Variants in PTCHD4 observed in about 807,000 individuals in gnomAD.
PTCHD4 encodes patched domain containing 4.
PTCHD4 carries 33 observed loss-of-function variants against 58.1 expected under a neutral mutation model. The observed-to-expected ratio is 0.57, with a 90% CI of 0.43 to 0.76. PTCHD4 has a LOEUF of 0.76. Ranked by LOEUF, PTCHD4 falls within the 30% of genes least tolerant of loss-of-function variation. The probability of loss-of-function intolerance (pLI) is 0.00; values close to 1 mark genes in which losing one functional copy is unlikely to be tolerated. For missense variants in PTCHD4, 1,058 were observed against 1,027.1 expected (o/e 1.03, Z -0.41); for synonymous variants, 478 against 409.6 (o/e 1.17, Z -2.02).
At chr6:47,969,212 G>T (rs1174375768) in intron 4 of PTCHD4, among the ~76,000 whole-genome samples, 1 of 152,116 alleles carries the variant, frequency 6.6e-6, no homozygotes, top group Admixed American at 6.6e-5. Context: ...TAAACTTCAG[G>T]ATTTCAGCAG....
chr6:47,888,765 T>G (rs899135514), intron 4 of PTCHD4, among the ~76,000 whole-genome samples: 1 of 145,354 alleles, frequency 6.9e-6, no homozygotes, highest in Admixed American at 7.0e-5. Flanking sequence ...CACTAACTCG[T>G]CATCTAGCAT....
Position 47,867,150 on chromosome 6 carries a change from G to A in PTCHD4, c.*11153C>T, listed in dbSNP as rs1226998502. The stretch of plus-strand genomic sequence containing the variant: ...ATTGTTAATTAAAATAATATTAACA[G>A]AGATAGTTAATTGGAGTGTATTAGT... On this transcript the variant is annotated 3_prime_UTR_variant, in exon 5 of 5. Transcript: ENST00000339488. 6.6e-6 allele frequency among the ~76,000 whole-genome samples: 1 copy of A among 151,750 alleles called. No individual in the cohort carries two copies. The highest frequency in any genetic ancestry group is 1.5e-5 in the Non-Finnish European group (1 of 67,842).
At chr6:47,906,396 C>T (rs558228878) in intron 4 of PTCHD4, among the ~76,000 whole-genome samples, 81 of 152,216 alleles carry the variant, frequency 5.3e-4, no homozygotes, top group Middle Eastern at 3.4e-3. Context: ...TTCCACTTGT[C>T]GGATCAGTCT....
chr6:47,983,620 T>G (rs1177916811), intron 4 of PTCHD4, among the ~76,000 whole-genome samples: 4 of 152,170 alleles, frequency 2.6e-5, no homozygotes, highest in Non-Finnish European at 5.9e-5. Context: ...AAGGATAAAA[T>G]GATGGTAAAT....
intron 4 of PTCHD4, among the ~76,000 whole-genome samples, chr6:47,920,821 G>T (rs534188739): frequency 3.6e-4 from 55 of 152,276 alleles, no homozygotes; most frequent in African/African-American, 1.2e-3. Context: ...AGAGAATGAT[G>T]GCTGCCACCC....
In PTCHD4 at chr6:47,967,890, C is replaced by A. The variant is rs958620830; in HGVS notation, c.898+40744G>T. On this transcript the variant is annotated intron_variant, in intron 4 of 4. Transcript: ENST00000339488. ...GAATGTTGTGGCTGGTTTGATCTTC[C>A]TTACAGACCACTATAATGTTCTCCA... Among the ~76,000 whole-genome samples the A allele has an allele frequency of 2.6e-5, 4 of 152,246 alleles. No homozygotes were observed. The East Asian group carries it at 7.7e-4, about 29-fold the overall frequency.
At chr6:47,883,256 C>T (rs1433978975) in intron 4 of PTCHD4, among the ~76,000 whole-genome samples, 1 of 151,944 alleles carries the variant, frequency 6.6e-6, no homozygotes, top group Admixed American at 6.6e-5. Flanking sequence ...AATTCTGAGA[C>T]CAAGATTATA....
chr6:48,109,175 A>G (rs576743088), intron 1 of PTCHD4, among the ~76,000 whole-genome samples: 17 of 152,242 alleles, frequency 1.1e-4, no homozygotes, highest in African/African-American at 3.8e-4. Flanking sequence ...ATCATCTTGT[A>G]AGGGACTTAT....
At chr6:48,103,176 C>T (rs777380592) in intron 1 of PTCHD4, among the ~76,000 whole-genome samples, 6 of 152,186 alleles carry the variant, frequency 3.9e-5, no homozygotes, top group African/African-American at 1.2e-4. Flanking sequence ...CCCTGACCCA[C>T]GAGTAGCCTA....
chr6:48,081,070 C>T (rs930438809), intron 1 of PTCHD4, among the ~76,000 whole-genome samples: 5 of 152,100 alleles, frequency 3.3e-5, no homozygotes, highest in African/African-American at 9.7e-5. Flanking sequence ...ATGGAAACCA[C>T]GTTTATTCAA....
intron 4 of PTCHD4, among the ~76,000 whole-genome samples, chr6:47,992,722 C>G (rs1248349782): frequency 1.3e-5 from 2 of 152,000 alleles, no homozygotes; most frequent in Non-Finnish European, 2.9e-5. Flanking sequence ...CTAATAGTAT[C>G]TGGATGGTGG....
intron 4 of PTCHD4, among the ~76,000 whole-genome samples, chr6:47,946,336 T>C (rs1033937386): frequency 2.6e-5 from 4 of 152,180 alleles, no homozygotes; most frequent in Admixed American, 2.6e-4. Context: ...TTTTCATATT[T>C]CTGCCAGTTT....
chr6:47,920,150 T>C (rs1765386159), intron 4 of PTCHD4, among the ~76,000 whole-genome samples: 1 of 152,164 alleles, frequency 6.6e-6, no homozygotes, highest in Non-Finnish European at 1.5e-5. Flanking sequence ...CACAGACTGC[T>C]AGTGTGGTAA....
intron 4 of PTCHD4, among the ~76,000 whole-genome samples, chr6:47,932,024 G>T (rs908278209): frequency 6.6e-6 from 1 of 151,258 alleles, no homozygotes; most frequent in African/African-American, 2.5e-5. Flanking sequence ...GCCTCAACTT[G>T]TATGCACCAT....
intron 1 of PTCHD4, among the ~76,000 whole-genome samples, chr6:48,075,035 C>A (rs1463626779): frequency 6.6e-6 from 1 of 151,976 alleles, no homozygotes; most frequent in Non-Finnish European, 1.5e-5. Flanking sequence ...CCTGGAAAAT[C>A]TTCTATCTCT....
At chr6:47,907,738 C>T (rs1328989) in intron 4 of PTCHD4, among the ~76,000 whole-genome samples, 90,071 of 151,980 alleles carry the variant, frequency 0.59, 27,512 homozygotes, top group East Asian at 0.78. Flanking sequence ...CCATGCCTAC[C>T]TCTGTTCCCC....
At chr6:47,912,872 C>T (rs775824306) in intron 4 of PTCHD4, among the ~76,000 whole-genome samples, 7 of 152,072 alleles carry the variant, frequency 4.6e-5, no homozygotes, top group Non-Finnish European at 1.0e-4. Flanking sequence ...CTGTTTCTCC[C>T]TCCTCTTCCT....
At chr6:48,013,781 T>A (rs1186751811) in intron 3 of PTCHD4, among the ~76,000 whole-genome samples, 1 of 152,282 alleles carries the variant, frequency 6.6e-6, no homozygotes, top group East Asian at 1.9e-4. Context: ...TTACTTAAAA[T>A]GTGCAGCTAT....
At chr6:47,994,037 A>C (rs1768381205) in intron 4 of PTCHD4, among the ~76,000 whole-genome samples, 1 of 152,172 alleles carries the variant, frequency 6.6e-6, no homozygotes, top group Non-Finnish European at 1.5e-5. Flanking sequence ...CAGAGACTGA[A>C]GTTGTTGCTA....
Sources: allele counts gnomAD v4.1 joint callset (sites outside exome capture counted in the v4.1 genomes callset), GRCh38; gene constraint gnomAD v4.1.1; transcripts MANE v1.5; gene names NCBI Gene and HGNC (gene_info 2026-07-23, HGNC 2026-07-21).